The following CDIN1 variants were observed in gnomAD, a reference collection of about 807,000 sequenced individuals.
CDIN1 encodes the protein CDAN1-interacting nuclease 1.
Under a neutral mutation model 45.3 loss-of-function variants are expected in CDIN1, and 33 were observed. That is an observed-to-expected ratio of 0.73 (90% confidence interval 0.55 to 0.97). The LOEUF (loss-of-function observed/expected upper bound fraction) is 0.97. CDIN1 is among the 50% of genes least tolerant of loss of function. CDIN1 has a pLI of 0.00. For missense variants in CDIN1, 303 were observed against 339.4 expected (o/e 0.89, Z 0.84); for synonymous variants, 118 against 124.4 (o/e 0.95, Z 0.34).
At chr15:36,685,500 G>A (rs1273986636) in intron 5 of CDIN1, among the ~76,000 whole-genome samples, 1 of 151,992 alleles carries the variant, frequency 6.6e-6, no homozygotes, top group Admixed American at 6.6e-5. Context: ...TTACTTCCAA[G>A]TATGTGGTCA....
At chr15:36,678,696 C>G (rs1242668108) in intron 5 of CDIN1, among the ~76,000 whole-genome samples, 1 of 152,168 alleles carries the variant, frequency 6.6e-6, no homozygotes, top group Non-Finnish European at 1.5e-5. Flanking sequence ...TACTAGTTCC[C>G]CTATCTTGCT....
chr15:36,662,962 T>C (rs764373447), intron 5 of CDIN1, among the ~76,000 whole-genome samples: 1 of 150,528 alleles, frequency 6.6e-6, no homozygotes, highest in Non-Finnish European at 1.5e-5. Flanking sequence ...TTTGAAATGC[T>C]CAAAACGTTT....
chr15:36,613,069 A>T (rs1378088218), intron 1 of CDIN1, among the ~76,000 whole-genome samples: 2 of 152,228 alleles, frequency 1.3e-5, no homozygotes, highest in Non-Finnish European at 2.9e-5. Context: ...ATTCTTGTGA[A>T]GCTTAAAATC....
Position 36,709,899 on chromosome 15 carries a change from A to G in CDIN1, c.654A>G (p.Ser218=). 6.2e-7 allele frequency: 1 copy of G among 1,613,362 alleles called. No individual in the cohort carries two copies. Among genetic ancestry groups the G allele is most frequent in the Non-Finnish European group, 8.5e-7 (1 of 1,179,466 alleles). ...TTCACTGGATTGAAAGCAAAGCCTC[A>G]TTTGGTGATGAATGTAGCCACCACG... ...HIIHWIESKA[S]FGDECSHHAY... Residue 218 remains serine (S), a synonymous_variant, in exon 10 of 11, where the codon TCA becomes TCG. Coordinates refer to ENST00000566621, the MANE Select transcript of CDIN1 (RefSeq NM_001321759.2).
chr15:36,731,058 A>G (rs1056171548), intron 10 of CDIN1, among the ~76,000 whole-genome samples: 3 of 152,098 alleles, frequency 2.0e-5, no homozygotes, highest in African/African-American at 7.2e-5. Context: ...AAAGACAATG[A>G]TGCCAGTGAG....
chr15:36,642,439 T>C (rs544943394), intron 1 of CDIN1, among the ~76,000 whole-genome samples: 1 of 152,184 alleles, frequency 6.6e-6, no homozygotes, highest in Non-Finnish European at 1.5e-5. Flanking sequence ...TTCTAGCCAG[T>C]TTTTACCCCC....
At chr15:36,780,096 G>A (rs541164131) in intron 10 of CDIN1, among the ~76,000 whole-genome samples, 17 of 152,184 alleles carry the variant, frequency 1.1e-4, no homozygotes, top group African/African-American at 3.6e-4. Flanking sequence ...TGAAGCACCC[G>A]TTGTATGGTG....
At chr15:36,663,915 C>G (rs1566879104) in intron 5 of CDIN1, among the ~76,000 whole-genome samples, 1 of 152,196 alleles carries the variant, frequency 6.6e-6, no homozygotes, top group South Asian at 2.1e-4. Context: ...TCCAGCAACA[C>G]TGTAAAATGT....
chr15:36,629,550 A>T (rs547228626), intron 1 of CDIN1, among the ~76,000 whole-genome samples: 53 of 152,298 alleles, frequency 3.5e-4, no homozygotes, highest in African/African-American at 1.3e-3. Context: ...AATTATGCTG[A>T]ACATTGCTTG....
intron 10 of CDIN1, among the ~76,000 whole-genome samples, chr15:36,720,907 A>C (rs890125829): frequency 6.6e-6 from 1 of 152,042 alleles, no homozygotes; most frequent in Non-Finnish European, 1.5e-5. Context: ...GTGTAAAAGC[A>C]TTCCTATTTC....
chr15:36,797,748 G>C (rs1441906096), intron 10 of CDIN1, among the ~76,000 whole-genome samples: 1 of 152,130 alleles, frequency 6.6e-6, no homozygotes, highest in East Asian at 1.9e-4. Context: ...GGGGGGCCGA[G>C]GCGGGCAGAT....
intron 10 of CDIN1, among the ~76,000 whole-genome samples, chr15:36,718,227 G>A (rs552387602): frequency 2.0e-5 from 3 of 151,766 alleles, no homozygotes; most frequent in South Asian, 2.1e-4. Context: ...TTCCATCATC[G>A]GTTTGTCTAT....
At chr15:36,710,948 A>G (rs1037590810) in intron 10 of CDIN1, among the ~76,000 whole-genome samples, 1 of 152,170 alleles carries the variant, frequency 6.6e-6, no homozygotes, top group African/African-American at 2.4e-5. Flanking sequence ...CATGGTAACA[A>G]TGATCATGAC....
intron 5 of CDIN1, among the ~76,000 whole-genome samples, chr15:36,685,463 G>C (rs2042007217): frequency 6.6e-6 from 1 of 151,962 alleles, no homozygotes; most frequent in Admixed American, 6.6e-5. Context: ...TATAATTTCT[G>C]TTCTTTTACA....
At chr15:36,774,174 G>GCGCGCA (rs1443123239) in intron 10 of CDIN1, among the ~76,000 whole-genome samples, 5 of 151,638 alleles carry the variant, frequency 3.3e-5, no homozygotes, top group Admixed American at 2.0e-4. Flanking sequence ...GCGCGCGCGC[G>GCGCGCA]CATGCATGAG....
At chr15:36,664,885 T>C (rs1378497373) in intron 5 of CDIN1, among the ~76,000 whole-genome samples, 1 of 152,244 alleles carries the variant, frequency 6.6e-6, no homozygotes, top group Non-Finnish European at 1.5e-5. Flanking sequence ...TATTTCCTTA[T>C]GCATTGCATG....
At chr15:36,703,860 A>G (rs2042766086) in intron 8 of CDIN1, among the ~76,000 whole-genome samples, 2 of 152,152 alleles carry the variant, frequency 1.3e-5, no homozygotes, top group Admixed American at 1.3e-4. Context: ...GCTAAAAAGA[A>G]CCAGGGCAGA....
At chr15:36,642,609 C>T (rs908701408) in intron 1 of CDIN1, among the ~76,000 whole-genome samples, 15 of 152,218 alleles carry the variant, frequency 9.9e-5, no homozygotes, top group African/African-American at 3.6e-4. Context: ...ACAGTACTCT[C>T]AACTCCTGAC....
intron 7 of CDIN1, 66 bp from the exon 8 acceptor site, chr15:36,697,257 C>A: frequency 7.3e-7 from 1 of 1,365,650 alleles, no homozygotes; most frequent in Admixed American, 1.7e-5. Flanking sequence ...AAGTATAGAC[C>A]TGGTATTAGC....
Sources: gnomAD v4.1 joint callset for allele counts (sites outside exome capture counted in the v4.1 genomes callset) on GRCh38, gnomAD v4.1.1 for gene constraint, MANE v1.5 for transcripts, NCBI Gene and HGNC (gene_info 2026-07-23, HGNC 2026-07-21) for gene names.